Variants in KALRN observed in about 807,000 individuals in gnomAD.
KALRN encodes the protein kalirin RhoGEF kinase, also known as kalirin.
KALRN carries 70 observed loss-of-function variants against 353.7 expected under a neutral mutation model. That is an observed-to-expected ratio of 0.20 (90% CI 0.16 to 0.24). KALRN has a LOEUF of 0.24. Ranked by LOEUF, KALRN falls within the 10% of genes least tolerant of loss-of-function variation. KALRN has a pLI of 1.00. For synonymous variants in KALRN, 1,391 were observed against 1,434.8 expected, an observed-to-expected ratio of 0.97 and a Z score of 0.69; for missense variants, 2,791 against 3,756.7, an observed-to-expected ratio of 0.74 and a Z score of 6.72.
At position 124,650,932 on chromosome 3, in the gene KALRN, G is replaced by T. The variant is rs745789056; in HGVS notation, c.5789G>T (p.Gly1930Val). 6.2e-7 allele frequency: 1 copy of T among 1,614,140 alleles called. No individual in the cohort carries two copies. The highest frequency in any genetic ancestry group is 8.5e-7 in the Non-Finnish European group (1 of 1,180,022). ...EEEQKAKALR[G>V]RMFVLNELVQ... ...GAACAGAAAGCCAAGGCCCTGAGAG[G>T]CAGGATGTAAGTGGCTTCCCCAGTT... The change falls in exon 38 of 60, where the codon GGC (glycine) becomes GTC (valine). Residue 1930 changes from glycine to valine, a missense_variant. Coordinates refer to ENST00000682506, the MANE Select transcript of KALRN (RefSeq NM_001388419.1).
At position 124,326,037 on chromosome 3, in the gene KALRN, G is replaced by C; in HGVS notation, c.1150G>C (p.Gly384Arg). 1 of 1,613,708 alleles carries C rather than the reference G, an allele frequency of 6.2e-7. No homozygotes were observed. Among genetic ancestry groups the C allele is most frequent in the Non-Finnish European group, 8.5e-7 (1 of 1,179,812 alleles). Reference sequence around the variant, plus strand: ...CGTGGCTTCCCGCCTCTCTGAGGCCGGTCATTATGCCTCACAACAAATCAA... The same window carrying C: ...CGTGGCTTCCCGCCTCTCTGAGGCCCGTCATTATGCCTCACAACAAATCAA... ...MSVASRLSEA[G>R]HYASQQIKQI... The change falls in exon 7 of 60, where the codon GGT (glycine) becomes CGT (arginine). Residue 384 changes from glycine to arginine, a missense_variant. Transcript: ENST00000682506.
intron 33 of KALRN, among the ~76,000 whole-genome samples, chr3:124,533,589 G>A (rs190151413): frequency 6.6e-6 from 1 of 152,278 alleles, no homozygotes; most frequent in Admixed American, 6.5e-5. Flanking sequence ...AGGCTGCAGT[G>A]AGCCAAGATC....
At chr3:124,384,716 C>T (rs2087935673) in intron 10 of KALRN, 129 bp from the exon 11 acceptor site, 2 of 894,794 alleles carry the variant, frequency 2.2e-6, no homozygotes, top group Admixed American at 2.8e-5. Flanking sequence ...CGCACCGCGC[C>T]TCAGTGCCAG....
chr3:124,580,384 G>GGGGGGGGGT (rs1398227667), intron 34 of KALRN, among the ~76,000 whole-genome samples: 3 of 148,546 alleles, frequency 2.0e-5, no homozygotes, highest in Admixed American at 6.9e-5. Context: ...GGGGAGGGGG[G>GGGGGGGGGT]ACTCAGGCAG....
At chr3:124,141,048 G>A (rs1265114352) in intron 1 of KALRN, among the ~76,000 whole-genome samples, 1 of 152,126 alleles carries the variant, frequency 6.6e-6, no homozygotes, top group Non-Finnish European at 1.5e-5. Context: ...TGAAGCTTGG[G>A]TTAACTTTGA....
chr3:124,601,470 C>T (rs2076800426), intron 34 of KALRN, among the ~76,000 whole-genome samples: 1 of 152,178 alleles, frequency 6.6e-6, no homozygotes, highest in South Asian at 2.1e-4. Context: ...CTGGGAGTGT[C>T]CGTGTTCAAA....
chr3:124,147,912 AT>A (rs2067566796), intron 1 of KALRN, among the ~76,000 whole-genome samples: 1 of 152,160 alleles, frequency 6.6e-6, no homozygotes. Flanking sequence ...TGTTTTTTGG[AT>A]TGAATGTTTG....
intron 9 of KALRN, among the ~76,000 whole-genome samples, chr3:124,335,559 A>G (rs1332786092): frequency 6.6e-6 from 1 of 152,070 alleles, no homozygotes; most frequent in Admixed American, 6.5e-5. Context: ...GAGGACTAAT[A>G]TACTAGTGTG....
Position 124,304,112 on chromosome 3 carries a change from C to T in KALRN, c.1092+5199C>T, listed in dbSNP as rs2077483483. Among the ~76,000 whole-genome samples the T allele has an allele frequency of 2.4e-5, 3 of 126,904 alleles. No individual in the cohort carries two copies. In the South Asian group the frequency reaches 8.7e-4, roughly 37 times the overall value. 83.3% of individuals were successfully genotyped at this position (126,904 alleles called of 152,430 possible). A position where few individuals can be genotyped will look rare whatever the true frequency, so the allele number is the denominator to read the frequency against. ...AGCATTTTTTAGAATGTCAGAATTT[C>T]TAGATTTTGTTGTAAACACACACAC... On this transcript the variant is annotated intron_variant, in intron 6 of 59. Coordinates refer to ENST00000682506, the MANE Select transcript of KALRN (RefSeq NM_001388419.1).
chr3:124,403,163 C>G (rs1018501635), intron 13 of KALRN, among the ~76,000 whole-genome samples: 11 of 152,200 alleles, frequency 7.2e-5, no homozygotes, highest in Non-Finnish European at 1.3e-4. Flanking sequence ...TTTTCGTGCA[C>G]TACACAAAGC....
chr3:124,502,754 A>G (rs1276737536), intron 33 of KALRN, among the ~76,000 whole-genome samples: 2 of 152,216 alleles, frequency 1.3e-5, no homozygotes, highest in East Asian at 3.8e-4. Context: ...ACAGGCAGCA[A>G]CATGCCCCCT....
chr3:124,694,576 T>A, intron 53 of KALRN, 73 bp downstream of exon 53: 1 of 1,425,242 alleles, frequency 7.0e-7, no homozygotes. Flanking sequence ...GAATCTGGGG[T>A]GCAACTTCTG....
At chr3:124,630,663 G>A (rs142681042) in intron 34 of KALRN, among the ~76,000 whole-genome samples, 35 of 152,228 alleles carry the variant, frequency 2.3e-4, no homozygotes, top group Non-Finnish European at 3.7e-4. Context: ...CTTTAAGTCT[G>A]CAGTTTCTTC....
intron 13 of KALRN, among the ~76,000 whole-genome samples, chr3:124,408,786 G>A (rs1288810341): frequency 6.6e-6 from 1 of 152,138 alleles, no homozygotes; most frequent in African/African-American, 2.4e-5. Flanking sequence ...GGGGAAGAGG[G>A]ACTATAGCTT....
chr3:124,413,507 T>A lies in KALRN; in HGVS notation c.2384T>A (p.Leu795His), dbSNP rs2150266960. The change falls in exon 14 of 60, where the codon CTT becomes CAT. Residue 795 changes from leucine (L) to histidine (H), a missense_variant. This residue lies in a region of KALRN where 452 missense variants were observed against 575.8 expected (regional missense o/e 0.78). Transcript: ENST00000682506. Reference protein sequence around the residue: ...AELDAWNEDLLRQMNDFNTED... With the variant: ...AELDAWNEDLHRQMNDFNTED... ...CTAGACGCCTGGAATGAAGACTTGC[T>A]TCGGCAGATGAATGACTTCAACACA... The A allele has an allele frequency of 6.2e-7, 1 of 1,614,152 alleles. No individual in the cohort carries two copies. The highest frequency in any genetic ancestry group is 2.2e-5 in the East Asian group (1 of 44,870).
chr3:124,395,634 G>T (rs2090067516), intron 12 of KALRN: 1 of 383,898 alleles, frequency 2.6e-6, no homozygotes, highest in Non-Finnish European at 4.8e-6. Context: ...AAAAACAAAA[G>T]TAAAAAATAA....
At chr3:124,653,096 A>C (rs993590798) in intron 38 of KALRN, among the ~76,000 whole-genome samples, 1 of 152,128 alleles carries the variant, frequency 6.6e-6, no homozygotes, top group East Asian at 1.9e-4. Context: ...ACTATATCTC[A>C]TCCTTATTCT....
At chr3:124,647,080 T>G (rs2082848347) in intron 37 of KALRN, among the ~76,000 whole-genome samples, 1 of 152,112 alleles carries the variant, frequency 6.6e-6, no homozygotes, top group Non-Finnish European at 1.5e-5. Flanking sequence ...TTTAATTTTT[T>G]TATTTAATAG....
chr3:124,573,428 G>C (rs2073763273), intron 34 of KALRN, among the ~76,000 whole-genome samples: 1 of 152,096 alleles, frequency 6.6e-6, no homozygotes, highest in Non-Finnish European at 1.5e-5. Context: ...GCTGAGTACA[G>C]GGTGTTTCCA....
Sources: allele counts gnomAD v4.1 joint callset (sites outside exome capture counted in the v4.1 genomes callset), GRCh38; gene constraint gnomAD v4.1.1; regional missense constraint gnomAD v4.1.1; transcripts MANE v1.5; gene names NCBI Gene and HGNC (gene_info 2026-07-23, HGNC 2026-07-21).